ATF7IP: variants seen among roughly 807,000 people sequenced by gnomAD.
ATF7IP encodes the protein activating transcription factor 7-interacting protein 1.
A neutral mutation model predicts 106.4 loss-of-function variants in ATF7IP; 23 were observed. The ratio of observed to expected loss-of-function variants is 0.22; its 90% CI spans 0.16 to 0.31. ATF7IP has a LOEUF of 0.31. Ranked by LOEUF, ATF7IP falls within the 10% of genes least tolerant of loss-of-function variation. The pLI, the probability that ATF7IP is intolerant of heterozygous loss-of-function variation, is 1.00. For missense variants in ATF7IP, 1,334 were observed against 1,524.3 expected, an observed-to-expected ratio of 0.88 and a Z score of 2.08; for synonymous variants, 542 against 539.0, an observed-to-expected ratio of 1.01 and a Z score of -0.08.
chr12:14,380,521 G>A, intron 1 of ATF7IP, among the ~76,000 whole-genome samples: 1 of 152,218 alleles, frequency 6.6e-6, no homozygotes, highest in East Asian at 1.9e-4. Flanking sequence ...AGAGAAATAG[G>A]CTCTGATTGC....
intron 10 of ATF7IP, among the ~76,000 whole-genome samples, chr12:14,474,526 G>A (rs559668509): frequency 2.4e-3 from 356 of 151,098 alleles, no homozygotes; most frequent in Middle Eastern, 0.021. Context: ...TCAGCCTCCC[G>A]AGTAGCTGGG....
At chr12:14,383,166 T>A (rs1425410217) in intron 1 of ATF7IP, among the ~76,000 whole-genome samples, 1 of 152,178 alleles carries the variant, frequency 6.6e-6, no homozygotes, top group Non-Finnish European at 1.5e-5. Context: ...TGTGAAATTA[T>A]TTAATCTTAT....
Position 14,478,359 on chromosome 12 carries a change from C to G in ATF7IP, c.2984C>G (p.Ser995Cys). The change falls in exon 12 of 15, where the codon TCT (serine) becomes TGT (cysteine). Residue 995 changes from serine (S) to cysteine (C), a missense_variant. Around this residue, in one of 10 missense-constraint regions of ATF7IP, gnomAD observed 370 missense variants for 401.2 expected, o/e 0.92. Transcript: ENST00000261168. ...LNHTPVSTMS[S>C]SQPVSRPLQP... is the part of the protein sequence containing the mutation. Reference sequence around the variant, plus strand: ...CACACTCCTGTATCAACCATGAGTTCTTCTCAGCCTGTGTCACGACCATTG... The same window carrying G: ...CACACTCCTGTATCAACCATGAGTTGTTCTCAGCCTGTGTCACGACCATTG... 6.2e-7 allele frequency: 1 copy of G among 1,614,028 alleles called. No homozygotes were observed. The highest frequency in any genetic ancestry group is 1.1e-5 in the South Asian group (1 of 91,078).
chr12:14,424,386 T>A lies in ATF7IP; in HGVS notation c.471T>A (p.Gly157=). The A allele has an allele frequency of 1.2e-6, 2 of 1,613,932 alleles. No individual in the cohort carries two copies. Among genetic ancestry groups the A allele is most frequent in the Non-Finnish European group, 1.7e-6 (2 of 1,179,858 alleles). The part of the protein sequence containing the change: ...GVLASGDSTS[G]DPTSSEPSSS... Reference sequence around the variant, plus strand: ...TGGCCTCTGGTGATTCCACCTCTGGTGATCCCACCTCTAGCGAGCCCTCCT... The same window carrying A: ...TGGCCTCTGGTGATTCCACCTCTGGAGATCCCACCTCTAGCGAGCCCTCCT... The change falls in exon 2 of 15, where the codon GGT becomes GGA. Residue 157 remains glycine (G), a synonymous_variant. Coordinates refer to ENST00000261168, the MANE Select transcript of ATF7IP (RefSeq NM_018179.5).
Position 14,424,429 on chromosome 12 carries a change from G to C in ATF7IP, c.514G>C (p.Gly172Arg). Reference sequence around the variant, plus strand: ...GCCCTCCTCTAGTGATGCTGCCTCTGGTGATGCAACCTCTGGTGATGCCCC... The same window carrying C: ...GCCCTCCTCTAGTGATGCTGCCTCTCGTGATGCAACCTCTGGTGATGCCCC... ...SEPSSSDAAS[G>R]DATSGDAPSG... Residue 172 changes from glycine (G) to arginine (R), a missense_variant, in exon 2 of 15, where the codon GGT (glycine) becomes CGT (arginine). By Grantham distance (125) the Gly-to-Arg change is moderately radical (BLOSUM62 -2). Around this residue, in one of 10 missense-constraint regions of ATF7IP, gnomAD observed 438 missense variants for 405.3 expected, o/e 1.08. Transcript: ENST00000261168. 1 of 1,613,670 alleles carries C rather than the reference G, an allele frequency of 6.2e-7. No individual in the cohort carries two copies. The highest frequency in any genetic ancestry group is 8.5e-7 in the Non-Finnish European group (1 of 1,179,822).
chr12:14,482,972 G>A (rs1377450659), intron 13 of ATF7IP, among the ~76,000 whole-genome samples: 5 of 152,166 alleles, frequency 3.3e-5, no homozygotes, highest in Admixed American at 6.5e-5. Flanking sequence ...CTTATGTTAC[G>A]TGATGAAGGA....
Position 14,481,455 on chromosome 12 carries a change from T to TGACA in ATF7IP, c.3280+271_3280+272insACAG, listed in dbSNP as rs1944425689. On this transcript the variant is annotated intron_variant, in intron 13 of 14. Transcript: ENST00000261168. ...AGGTAAGTATGTGAGATCATGCATA[T>TGACA]GTCAGCTAGATTTAGCCATTCTGCA... 3 of 337,862 alleles carry TGACA rather than the reference T, an allele frequency of 8.9e-6. No individual in the cohort carries two copies. The East Asian group carries it at 1.4e-4, about 16-fold the overall frequency. The allele number at this position is 337,862 out of a possible 1,614,324, so 20.9% of individuals were successfully genotyped here.
chr12:14,498,337 G>A lies in ATF7IP; in HGVS notation c.*264G>A. The A allele has an allele frequency of 5.5e-6, 2 of 366,836 alleles. No individual in the cohort carries two copies. Among genetic ancestry groups the A allele is most frequent in the South Asian group, 1.4e-4 (2 of 13,980 alleles). The allele number at this position is 366,836 out of a possible 1,614,324, so 22.7% of individuals were successfully genotyped here. A position where few individuals can be genotyped will look rare whatever the true frequency, so the allele number is the denominator to read the frequency against. On this transcript the variant is annotated 3_prime_UTR_variant, in exon 15 of 15. Coordinates refer to ENST00000261168, the MANE Select transcript of ATF7IP (RefSeq NM_018179.5). ...TTTTGAGGCTGGGGAATATGTGTGG[G>A]TGTTTATGTGTGTTTTTCCTTATGT...
rs527570590 is a variant in ATF7IP, at chr12:14,388,276, C to T, written c.-8+22449C>T. Among the ~76,000 whole-genome samples, 4 of 152,138 alleles carry T rather than the reference C, an allele frequency of 2.6e-5. No individual in the cohort carries two copies. The East Asian group carries it at 7.8e-4, about 30-fold the overall frequency. On this transcript the variant is annotated intron_variant, in intron 1 of 14. Transcript: ENST00000261168. ...TGTTGGTTAGGCTGGTCTCGAACTC[C>T]TGACCTCAGGTGATCTGCCCGCCTT...
In ATF7IP at chr12:14,498,173, G is replaced by C; in HGVS notation, c.*100G>C. On this transcript the variant is annotated 3_prime_UTR_variant, in exon 15 of 15. Coordinates refer to ENST00000261168, the MANE Select transcript of ATF7IP (RefSeq NM_018179.5). Reference sequence around the variant, plus strand: ...CCCATGTAAAATCCACCTTGTGCAAGATTTCTTGGACAGATGTGTGTATAC... The same window carrying C: ...CCCATGTAAAATCCACCTTGTGCAACATTTCTTGGACAGATGTGTGTATAC... 8.4e-7 allele frequency: 1 copy of C among 1,187,752 alleles called. No individual in the cohort carries two copies. The highest frequency in any genetic ancestry group is 2.3e-5 in the Admixed American group (1 of 43,692). 73.6% of individuals were successfully genotyped at this position (1,187,752 alleles called of 1,614,324 possible).
Position 14,500,937 on chromosome 12 carries a change from A to G in ATF7IP, c.*2864A>G, listed in dbSNP as rs1384094309. 2 of 152,174 alleles carry G rather than the reference A, an allele frequency of 1.3e-5. No individual in the cohort carries two copies. Among genetic ancestry groups the G allele is most frequent in the Non-Finnish European group, 2.9e-5 (2 of 68,024 alleles). The allele number at this position is 152,174 out of a possible 1,614,324, so 9.4% of individuals were successfully genotyped here. A position where few individuals can be genotyped will look rare whatever the true frequency, so the allele number is the denominator to read the frequency against. On this transcript the variant is annotated 3_prime_UTR_variant, in exon 15 of 15. Transcript: ENST00000261168. ...AAGGAAGGTACAGGGAGAAATCGCA[A>G]TTATTTAGGGGAGAAGTATATTTAT...
At chr12:14,484,865 A>G (rs1027960805) in intron 13 of ATF7IP, among the ~76,000 whole-genome samples, 3 of 152,152 alleles carry the variant, frequency 2.0e-5, no homozygotes, top group African/African-American at 4.8e-5. Context: ...TTATGGCTAA[A>G]TGGGTCAGAA....
In ATF7IP at chr12:14,456,568, C is replaced by T; in HGVS notation, c.2003C>T (p.Pro668Leu). The T allele has an allele frequency of 6.2e-7, 1 of 1,611,342 alleles. No homozygotes were observed. Among genetic ancestry groups the T allele is most frequent in the Non-Finnish European group, 8.5e-7 (1 of 1,178,716 alleles). ...TTTTTTTTTCTCCCCCAGCATCCAC[C>T]CAACCCACCAGTATCACCAGGAAAA... ...EDLKKRHEHP[P>L]NPPVSPGKTV... Residue 668 changes from proline to leucine, a missense_variant, in exon 7 of 15, where the codon CCC becomes CTC. By Grantham distance (98) the Pro-to-Leu change is moderately conservative. Around this residue, in one of 10 missense-constraint regions of ATF7IP, gnomAD observed 171 missense variants for 172.6 expected, o/e 0.99. Transcript: ENST00000261168.
intron 13 of ATF7IP, among the ~76,000 whole-genome samples, chr12:14,483,589 T>A (rs1301184476): frequency 6.6e-6 from 1 of 152,152 alleles, no homozygotes; most frequent in East Asian, 1.9e-4. Context: ...AAAATTTTGC[T>A]AGTGGATCCC....
chr12:14,387,501 C>G (rs570251411), intron 1 of ATF7IP, among the ~76,000 whole-genome samples: 2 of 152,032 alleles, frequency 1.3e-5, no homozygotes, highest in African/African-American at 2.4e-5. Flanking sequence ...TGAGTGGGAT[C>G]TTAGGGAAAT....
rs754833306 is a variant in ATF7IP at position 14,475,919 on chromosome 12, T to C, written c.2892T>C (p.Ser964=). 2 of 1,613,748 alleles carry C rather than the reference T, an allele frequency of 1.2e-6. No homozygotes were observed. Among genetic ancestry groups the C allele is most frequent in the Non-Finnish European group, 1.7e-6 (2 of 1,179,864 alleles). The change falls in exon 11 of 15, where the codon AGT becomes AGC. Residue 964 remains serine (S), a synonymous_variant. Transcript: ENST00000261168. ...GAAAAGCCACTGGCAGTGATTCAAG[T>C]GGTGTCATTGATCTCACAATGGATG... The part of the protein sequence containing the change: ...QCGKATGSDS[S]GVIDLTMDDE...
chr12:14,433,009 A>G (rs1334476425), intron 2 of ATF7IP, among the ~76,000 whole-genome samples: 1 of 152,210 alleles, frequency 6.6e-6, no homozygotes, highest in Admixed American at 6.5e-5. Context: ...ATAATTGTAT[A>G]GACATTTTTA....
intron 10 of ATF7IP, 53 bp from the exon 11 acceptor site, chr12:14,475,837 C>A: frequency 1.4e-6 from 2 of 1,438,052 alleles, no homozygotes; most frequent in Non-Finnish European, 1.9e-6. Flanking sequence ...CATTTTTTAA[C>A]ACGTATATCT....
intron 6 of ATF7IP, among the ~76,000 whole-genome samples, chr12:14,452,543 AT>A: frequency 6.6e-6 from 1 of 152,110 alleles, no homozygotes; most frequent in Admixed American, 6.5e-5. Context: ...TGGGGATTAC[AT>A]AAAACATCCT....
Sources: allele counts gnomAD v4.1 joint callset (sites outside exome capture counted in the v4.1 genomes callset), GRCh38; gene constraint gnomAD v4.1.1; regional missense constraint gnomAD v4.1.1; transcripts MANE v1.5; gene names NCBI Gene and HGNC (gene_info 2026-07-23, HGNC 2026-07-21).